The following MYOM3 variants were observed in gnomAD, a reference collection of about 807,000 sequenced individuals.
The protein encoded by MYOM3 is myomesin-3.
Under a neutral mutation model 191.7 loss-of-function variants are expected in MYOM3, and 155 were observed. The observed-to-expected ratio is 0.81, with a 90% CI of 0.71 to 0.92. The LOEUF (loss-of-function observed/expected upper bound fraction) is 0.92. Ranked by LOEUF, MYOM3 falls within the 40% of genes least tolerant of loss-of-function variation. MYOM3 has a pLI of 0.00. For missense variants in MYOM3, 1,889 were observed against 1,890.6 expected (o/e 1.00, Z 0.02); for synonymous variants, 757 against 762.9 (o/e 0.99, Z 0.13).
At chr1:24,069,872 A>G (rs1355515338) in intron 25 of MYOM3, among the ~76,000 whole-genome samples, 1 of 151,790 alleles carries the variant, frequency 6.6e-6, no homozygotes, top group Non-Finnish European at 1.5e-5. Flanking sequence ...CGGCCTCCCA[A>G]TGTGCTGGGA....
chr1:24,095,637 G>C, intron 7 of MYOM3, 151 bp from the exon 8 acceptor site: 1 of 602,864 alleles, frequency 1.7e-6, no homozygotes, highest in East Asian at 3.0e-5. Context: ...ACCTCTCTGT[G>C]CCTCAGTTTC....
In MYOM3 at chr1:24,082,043, C is replaced by T. The variant is rs1265927707; in HGVS notation, c.2238G>A (p.Trp746Ter). Residue 746 changes from tryptophan (W) to a stop codon, truncating the protein, a stop_gained, in exon 18 of 37, where the codon TGG (tryptophan) becomes TGA (stop). Transcript: ENST00000374434. LOFTEE classifies it high-confidence loss of function. Reference sequence around the variant, plus strand: ...GGATGGGCTGCTGATTGACCGCATGCCAGTCCAGCTCTTCCGAGTCATGCT... The same window carrying T: ...GGATGGGCTGCTGATTGACCGCATGTCAGTCCAGCTCTTCCGAGTCATGCT... ...LDQHDSEELDWHAVNQQPIPT... is the reference protein window; with the variant it reads ...LDQHDSEELD 4.3e-6 allele frequency: 7 copies of T among 1,612,296 alleles called. No individual in the cohort carries two copies. The highest frequency in any genetic ancestry group is 5.9e-6 in the Non-Finnish European group (7 of 1,179,894).
chr1:24,072,059 C>T, intron 23 of MYOM3, 46 bp from the exon 24 acceptor site: 1 of 1,599,630 alleles, frequency 6.3e-7, no homozygotes, highest in Non-Finnish European at 8.6e-7. Flanking sequence ...AATGAAATAT[C>T]CTGGTCGGGG....
rs1643377678 is a variant in MYOM3, at chr1:24,062,129, A to G, written c.3771-20T>C. 12 of 1,613,302 alleles carry G rather than the reference A, an allele frequency of 7.4e-6. No homozygotes were observed. The highest frequency in any genetic ancestry group is 1.0e-5 in the Non-Finnish European group (12 of 1,179,656). ...TTGTCTCTGAATGTGAGGGTGGAGAAATGGTTAAGGCTGCCTGTCTGCAGG... is the reference window on the plus strand; with the variant it reads ...TTGTCTCTGAATGTGAGGGTGGAGAGATGGTTAAGGCTGCCTGTCTGCAGG... On this transcript the variant is annotated intron_variant, in intron 32 of 36. Coordinates refer to ENST00000374434, the MANE Select transcript of MYOM3 (RefSeq NM_152372.4).
chr1:24,088,337 G>C (rs1427536524), intron 14 of MYOM3, among the ~76,000 whole-genome samples: 2 of 152,156 alleles, frequency 1.3e-5, no homozygotes, highest in Non-Finnish European at 2.9e-5. Context: ...CTCCTACTGT[G>C]TGCCAGGCTC....
At position 24,057,268 on chromosome 1, in the gene MYOM3, C is replaced by T; in HGVS notation, c.*96G>A. On this transcript the variant is annotated 3_prime_UTR_variant, in exon 37 of 37. Coordinates refer to ENST00000374434, the MANE Select transcript of MYOM3 (RefSeq NM_152372.4). ...TCTATCTTGTCCCCTTTCCTTCTGCCCCACCCCTGTAGCCTGTGCCAGGCT... is the reference window on the plus strand; with the variant it reads ...TCTATCTTGTCCCCTTTCCTTCTGCTCCACCCCTGTAGCCTGTGCCAGGCT... The T allele has an allele frequency of 7.6e-7, 1 of 1,317,240 alleles. No homozygotes were observed. The highest frequency in any genetic ancestry group is 1.1e-6 in the Non-Finnish European group (1 of 952,172). 81.6% of individuals were successfully genotyped at this position (1,317,240 alleles called of 1,614,324 possible). A position where few individuals can be genotyped will look rare whatever the true frequency, so the allele number is the denominator to read the frequency against.
intron 32 of MYOM3, 35 bp from the exon 33 acceptor site, chr1:24,062,144 C>T: frequency 6.2e-7 from 1 of 1,610,256 alleles, no homozygotes; most frequent in Non-Finnish European, 8.5e-7. Flanking sequence ...TTAAGGCTGC[C>T]TGTCTGCAGG....
chr1:24,063,651 A>T lies in MYOM3; in HGVS notation c.3623-121T>A. The T allele has an allele frequency of 9.0e-7, 1 of 1,106,864 alleles. No homozygotes were observed. The highest frequency in any genetic ancestry group is 2.5e-5 in the East Asian group (1 of 39,602). 68.6% of individuals were successfully genotyped at this position (1,106,864 alleles called of 1,614,324 possible). The stretch of plus-strand genomic sequence containing the variant: ...TGAGCTGCTCTCAGGGGGACAGGCA[A>T]CTCTGTAGGATGACTCTCATAGCTT... On this transcript the variant is annotated intron_variant, in intron 30 of 36. Coordinates refer to ENST00000374434, the MANE Select transcript of MYOM3 (RefSeq NM_152372.4). The surrounding 1 kb of genome is among the most constrained non-coding windows in gnomAD (Gnocchi z 4.5).
chr1:24,108,025 G>A lies in MYOM3; in HGVS notation c.210C>T (p.Ala70=), dbSNP rs762920980. ...FSAADYALAA[A]LALTASSELS... is the part of the protein sequence containing the mutation. Reference sequence around the variant, plus strand: ...GCTCGGAGGAGGCCGTCAGAGCCAGGGCTGCTGCCAGGGCGTAGTCCGCGG... The same window carrying A: ...GCTCGGAGGAGGCCGTCAGAGCCAGAGCTGCTGCCAGGGCGTAGTCCGCGG... The change falls in exon 3 of 37, where the codon GCC becomes GCT. Residue 70 remains alanine, a synonymous_variant. Transcript: ENST00000374434. 3.6e-5 allele frequency: 58 copies of A among 1,613,620 alleles called. No homozygotes were observed. Among genetic ancestry groups the A allele is most frequent in the Non-Finnish European group, 4.7e-5 (56 of 1,179,842 alleles).
intron 20 of MYOM3, among the ~76,000 whole-genome samples, chr1:24,079,482 G>GAGCCACCATGCCCTGCC (rs2148550055): frequency 6.6e-6 from 1 of 152,116 alleles, no homozygotes; most frequent in African/African-American, 2.4e-5. Context: ...TTAAAGGAAT[G>GAGCCACCATGCCCTGCC]AGCCACCATG....
rs372809443 is a variant in MYOM3 at position 24,094,842 on chromosome 1, G to A, written c.928+11C>T. The A allele has an allele frequency of 1.9e-6, 3 of 1,607,522 alleles. No individual in the cohort carries two copies. The South Asian group carries it at 3.3e-5, about 18-fold the overall frequency. On this transcript the variant is annotated intron_variant, in intron 9 of 36. Coordinates refer to ENST00000374434, the MANE Select transcript of MYOM3 (RefSeq NM_152372.4). Reference sequence around the variant, plus strand: ...CTCTGGAGGCTGGGGGCCAGGACTGGGGGTCCTTACCATCTCGGAACCACT... The same window carrying A: ...CTCTGGAGGCTGGGGGCCAGGACTGAGGGTCCTTACCATCTCGGAACCACT...
In MYOM3 at chr1:24,063,339, G is replaced by T; in HGVS notation, c.3662-105C>A. 1 of 1,361,298 alleles carries T rather than the reference G, an allele frequency of 7.3e-7. No individual in the cohort carries two copies. The highest frequency in any genetic ancestry group is 1.0e-6 in the Non-Finnish European group (1 of 953,432). 84.3% of individuals were successfully genotyped at this position (1,361,298 alleles called of 1,614,324 possible). ...GCCCTGGGGGGCAGGTGCTGTGGGG[G>T]AAATGCAGTGCTGTGAAGAGGCGGG... On this transcript the variant is annotated intron_variant, in intron 31 of 36. Transcript: ENST00000374434. This position sits in a 1 kb window ranked among gnomAD's most constrained non-coding sequence, Gnocchi z 4.5.
At chr1:24,067,391 C>CTTCTTTCTTTCTTT (rs1557602520) in intron 27 of MYOM3, among the ~76,000 whole-genome samples, 1,043 of 26,090 alleles carry the variant, frequency 0.04, 31 homozygotes, top group Non-Finnish European at 0.047. Flanking sequence ...TTTCTTTTTC[C>CTTCTTTCTTTCTTT]TTCCTTCCTT....
At chr1:24,108,703 C>T in intron 1 of MYOM3, 49 bp from the exon 2 acceptor site, 6 of 1,409,178 alleles carry the variant, frequency 4.3e-6, no homozygotes, top group Non-Finnish European at 5.7e-6. Flanking sequence ...CCGCCTATCC[C>T]CTCCCATGCA....
intron 15 of MYOM3, among the ~76,000 whole-genome samples, chr1:24,085,822 CGT>C (rs1177625410): frequency 2.0e-5 from 3 of 148,626 alleles, no homozygotes; most frequent in Non-Finnish European, 3.0e-5. Context: ...TCATATGTGC[CGT>C]GTGTGTATGT....
chr1:24,072,599 A>G (rs984574154), intron 23 of MYOM3, among the ~76,000 whole-genome samples: 1 of 151,948 alleles, frequency 6.6e-6, no homozygotes, highest in East Asian at 1.9e-4. Flanking sequence ...CAATGGTGCA[A>G]TCTTGGCTCA....
At chr1:24,100,792 C>G (rs1643906310) in intron 5 of MYOM3, among the ~76,000 whole-genome samples, 1 of 151,372 alleles carries the variant, frequency 6.6e-6, no homozygotes, top group Admixed American at 6.6e-5. Flanking sequence ...GAGGTTGAGG[C>G]AGCAGAATGA....
Position 24,076,144 on chromosome 1 carries a change from T to G in MYOM3, c.2701+15A>C, listed in dbSNP as rs1213904400. 1 of 1,603,132 alleles carries G rather than the reference T, an allele frequency of 6.2e-7. No individual in the cohort carries two copies. The highest frequency in any genetic ancestry group is 2.2e-5 in the East Asian group (1 of 44,838). ...AGCCCAGTGGCAGAGCTCTGGCCTCTCCGGCCACCCCTACCTGGCTTGTCC... is the reference window on the plus strand; with the variant it reads ...AGCCCAGTGGCAGAGCTCTGGCCTCGCCGGCCACCCCTACCTGGCTTGTCC... On this transcript the variant is annotated intron_variant, in intron 21 of 36. Transcript: ENST00000374434.
chr1:24,097,853 C>A, intron 7 of MYOM3, 70 bp downstream of exon 7: 2 of 1,030,770 alleles, frequency 1.9e-6, no homozygotes, highest in Non-Finnish European at 3.1e-6. Context: ...CTCACGCAGA[C>A]CCATGTCCTT....
Sources: allele counts gnomAD v4.1 joint callset (sites outside exome capture counted in the v4.1 genomes callset), GRCh38; gene constraint gnomAD v4.1.1; non-coding constraint Gnocchi (gnomAD v3.1); transcripts MANE v1.5; gene names NCBI Gene and HGNC (gene_info 2026-07-23, HGNC 2026-07-21).